UNC79: variants seen among roughly 807,000 people sequenced by gnomAD.
UNC79 encodes the protein protein unc-79 homolog.
Under a neutral mutation model 283.1 loss-of-function variants are expected in UNC79, and 37 were observed. The observed-to-expected ratio is 0.13, with a 90% CI of 0.10 to 0.17. The LOEUF (loss-of-function observed/expected upper bound fraction) is 0.17. UNC79 is among the 10% of genes least tolerant of loss of function. UNC79 has a pLI of 1.00. For missense variants in UNC79, 2,272 were observed against 3,211.1 expected, an observed-to-expected ratio of 0.71 and a Z score of 7.07; for synonymous variants, 1,107 against 1,200.2, an observed-to-expected ratio of 0.92 and a Z score of 1.61.
At chr14:93,404,681 A>G (rs1221681181) in intron 1 of UNC79, among the ~76,000 whole-genome samples, 1 of 150,440 alleles carries the variant, frequency 6.6e-6, no homozygotes, top group Admixed American at 6.6e-5. Context: ...AGTAAAAACT[A>G]TATAAAATAA....
At chr14:93,412,980 A>C (rs944146868) in intron 1 of UNC79, among the ~76,000 whole-genome samples, 1 of 152,180 alleles carries the variant, frequency 6.6e-6, no homozygotes, top group African/African-American at 2.4e-5. Flanking sequence ...TAAGTACACA[A>C]AAAAACACAG....
chr14:93,629,900 A>G (rs2067884473), intron 30 of UNC79, among the ~76,000 whole-genome samples: 1 of 152,226 alleles, frequency 6.6e-6, no homozygotes. Flanking sequence ...TGCTCAGTAT[A>G]TTCACTGCAT....
chr14:93,431,284 G>T (rs1195589604), intron 1 of UNC79, among the ~76,000 whole-genome samples: 2 of 151,966 alleles, frequency 1.3e-5, no homozygotes, highest in African/African-American at 4.8e-5. Flanking sequence ...GCTCCAGCGG[G>T]GGTTTCTCAA....
At chr14:93,481,033 G>A (rs1248108870) in intron 4 of UNC79, among the ~76,000 whole-genome samples, 2 of 152,088 alleles carry the variant, frequency 1.3e-5, no homozygotes, top group African/African-American at 4.8e-5. Context: ...ATGAGGTATT[G>A]CAGCTCTTCA....
intron 1 of UNC79, among the ~76,000 whole-genome samples, chr14:93,450,228 T>C (rs1009913058): frequency 6.6e-6 from 1 of 152,174 alleles, no homozygotes; most frequent in Non-Finnish European, 1.5e-5. Context: ...CTCTTAGAAG[T>C]AGGTCAAAGC....
At chr14:93,580,430 G>A (rs1430217553) in intron 19 of UNC79, 54 bp downstream of exon 19, 3 of 1,508,214 alleles carry the variant, frequency 2.0e-6, no homozygotes, top group Non-Finnish European at 9.1e-7. Context: ...AAAGACTGCA[G>A]TAGCTGATGT....
chr14:93,440,294 A>G (rs1363729870), intron 1 of UNC79, among the ~76,000 whole-genome samples: 1 of 152,044 alleles, frequency 6.6e-6, no homozygotes, highest in Non-Finnish European at 1.5e-5. Context: ...GGATGACTGT[A>G]TTTAATGTTG....
At chr14:93,596,078 T>C (rs939312037) in intron 23 of UNC79, among the ~76,000 whole-genome samples, 2 of 152,170 alleles carry the variant, frequency 1.3e-5, no homozygotes, top group Admixed American at 1.3e-4. Context: ...AGATCAAATA[T>C]AAGCATGTAA....
At chr14:93,689,855 C>T in intron 44 of UNC79, 1 of 419,662 alleles carries the variant, frequency 2.4e-6, no homozygotes, top group South Asian at 4.8e-5. Context: ...GTCAGAGAGG[C>T]AGTCAGCCTT....
intron 1 of UNC79, among the ~76,000 whole-genome samples, chr14:93,405,397 G>A (rs2055206658): frequency 6.6e-6 from 1 of 151,622 alleles, no homozygotes; most frequent in Non-Finnish European, 1.5e-5. Context: ...AAAACTGACA[G>A]AATTACAAGG....
At chr14:93,618,261 A>G in exon 29 of UNC79, 2 of 1,614,114 alleles carry the variant, frequency 1.2e-6, no homozygotes, top group Non-Finnish European at 1.7e-6. Flanking sequence ...CAATACACTC[A>G]ATGCGCAGTA....
intron 1 of UNC79, among the ~76,000 whole-genome samples, chr14:93,374,632 G>A (rs1259383081): frequency 6.6e-6 from 1 of 152,112 alleles, no homozygotes; most frequent in Non-Finnish European, 1.5e-5. Context: ...TTGACCTCCT[G>A]GGCTCAAGCG....
chr14:93,602,164 T>C (rs956099140), intron 25 of UNC79, among the ~76,000 whole-genome samples: 6 of 152,230 alleles, frequency 3.9e-5, no homozygotes, highest in Non-Finnish European at 8.8e-5. Context: ...TACTTGGTCA[T>C]GAACTCTTTG....
At chr14:93,428,018 G>A (rs1297543400), upstream of UNC79, among the ~76,000 whole-genome samples, 1 of 152,110 alleles carries the variant, frequency 6.6e-6, no homozygotes, top group African/African-American at 2.4e-5. Flanking sequence ...AGAAGTCAAG[G>A]GAAGAGGGAA....
intron 1 of UNC79, among the ~76,000 whole-genome samples, chr14:93,421,833 G>A (rs987724165): frequency 2.7e-5 from 4 of 150,210 alleles, no homozygotes; most frequent in Admixed American, 6.6e-5. Flanking sequence ...TTTATCCCAG[G>A]GATGCAATGT....
chr14:93,462,222 C>T (rs916286878), intron 1 of UNC79, among the ~76,000 whole-genome samples: 1 of 152,166 alleles, frequency 6.6e-6, no homozygotes, highest in African/African-American at 2.4e-5. Flanking sequence ...AGGAGAATCA[C>T]GTGAGCCTGG....
At chr14:93,613,216 T>G in intron 27 of UNC79, 133 bp downstream of exon 28, 1 of 1,156,400 alleles carries the variant, frequency 8.6e-7, no homozygotes. Flanking sequence ...CAGGAGTATG[T>G]GGAGGGGAAT....
chr14:93,373,100 A>G (rs2054487002), intron 1 of UNC79, among the ~76,000 whole-genome samples: 2 of 152,222 alleles, frequency 1.3e-5, no homozygotes, highest in Admixed American at 6.5e-5. Context: ...AGAGAAATTA[A>G]AGTATATTTT....
chr14:93,658,098 C>A (rs757735589), intron 38 of UNC79, among the ~76,000 whole-genome samples: 7 of 152,194 alleles, frequency 4.6e-5, no homozygotes, highest in Non-Finnish European at 7.3e-5. Context: ...CCTTAGAAGG[C>A]ACTTGTGAAA....
Sources: allele counts gnomAD v4.1 joint callset (sites outside exome capture counted in the v4.1 genomes callset), GRCh38; gene constraint gnomAD v4.1.1; transcripts MANE v1.5; gene names NCBI Gene and HGNC (gene_info 2026-07-23, HGNC 2026-07-21).